Variants in ERO1A observed in about 807,000 individuals in gnomAD.
ERO1A encodes ERO1-like protein alpha.
ERO1A carries 49 observed loss-of-function variants against 76.9 expected under a neutral mutation model. That is an observed-to-expected ratio of 0.64 (90% CI 0.51 to 0.81). ERO1A has a LOEUF of 0.81. ERO1A is among the 30% of genes least tolerant of loss of function. ERO1A has a pLI of 0.00. For synonymous variants in ERO1A, 174 were observed against 181.2 expected (o/e 0.96, Z 0.32); for missense variants, 448 against 542.1 (o/e 0.83, Z 1.72).
rs562605493 is a variant in ERO1A, at chr14:52,649,549, G to A, written c.1125+2690C>T. Reference sequence around the variant, plus strand: ...TAGGACATTAAAGGTGAGTGTTTCCGAGTTTTGATCAAATTAAAACATTGT... The same window carrying A: ...TAGGACATTAAAGGTGAGTGTTTCCAAGTTTTGATCAAATTAAAACATTGT... On this transcript the variant is annotated intron_variant, in intron 13 of 15. Transcript: ENST00000395686. Among the ~76,000 whole-genome samples the A allele has an allele frequency of 6.6e-5, 10 of 151,848 alleles. No individual in the cohort carries two copies. The East Asian group carries it at 1.4e-3, about 21-fold the overall frequency.
At chr14:52,670,379 T>C (rs921111926) in intron 6 of ERO1A, among the ~76,000 whole-genome samples, 1 of 152,218 alleles carries the variant, frequency 6.6e-6, no homozygotes, top group Admixed American at 6.5e-5. Context: ...AGAGTTGTTT[T>C]TTTGGTCTTT....
chr14:52,660,233 C>T (rs892786223), intron 9 of ERO1A, among the ~76,000 whole-genome samples: 8 of 152,136 alleles, frequency 5.3e-5, no homozygotes, highest in African/African-American at 1.7e-4. Context: ...CAGGAATAAC[C>T]CTTTGATATT....
At chr14:52,648,858 T>C (rs926553869) in intron 13 of ERO1A, among the ~76,000 whole-genome samples, 2 of 152,142 alleles carry the variant, frequency 1.3e-5, no homozygotes, top group African/African-American at 2.4e-5. Context: ...CAAATAAACA[T>C]TGTAAAATTA....
chr14:52,663,230 G>A (rs1246424043), intron 8 of ERO1A, among the ~76,000 whole-genome samples: 1 of 152,032 alleles, frequency 6.6e-6, no homozygotes, highest in Non-Finnish European at 1.5e-5. Context: ...TACTATGTCT[G>A]CAAAAATATA....
chr14:52,663,658 C>T, intron 8 of ERO1A, 143 bp downstream of exon 8: 1 of 512,438 alleles, frequency 2.0e-6, no homozygotes, highest in Non-Finnish European at 3.6e-6. Flanking sequence ...CCAATCTCTG[C>T]AAGCGTGAGG....
intron 8 of ERO1A, among the ~76,000 whole-genome samples, chr14:52,662,091 G>A (rs1158950975): frequency 6.6e-6 from 1 of 151,938 alleles, no homozygotes; most frequent in Non-Finnish European, 1.5e-5. Flanking sequence ...TGATTTAAAT[G>A]AATAAAAATT....
intron 1 of ERO1A, among the ~76,000 whole-genome samples, chr14:52,687,993 C>G (rs534401906): frequency 2.0e-4 from 30 of 152,194 alleles, no homozygotes; most frequent in African/African-American, 7.0e-4. Flanking sequence ...TGACACCAAC[C>G]TGGGCAACAC....
rs145722252 is a variant in ERO1A at position 52,653,158 on chromosome 14, G to A, written c.966C>T (p.Phe322=). ...LRALSKVLPF[F]ERPDFQLFTG... Reference sequence around the variant, plus strand: ...TAAAGAGTTGAAAATCTGGGCGCTCGAAGAATGGTAACACTTTGGATAAAG... The same window carrying A: ...TAAAGAGTTGAAAATCTGGGCGCTCAAAGAATGGTAACACTTTGGATAAAG... The change falls in exon 12 of 16, where the codon TTC becomes TTT. Residue 322 remains phenylalanine, a synonymous_variant. Coordinates refer to ENST00000395686, the MANE Select transcript of ERO1A (RefSeq NM_014584.3). The A allele has an allele frequency of 2.5e-5, 41 of 1,613,122 alleles. No individual in the cohort carries two copies. Among genetic ancestry groups the A allele is most frequent in the Middle Eastern group, 1.6e-4 (1 of 6,080 alleles).
intron 11 of ERO1A, among the ~76,000 whole-genome samples, chr14:52,655,636 T>A (rs1028711636): frequency 6.6e-6 from 1 of 152,098 alleles, no homozygotes; most frequent in African/African-American, 2.4e-5. Context: ...GAGGAATTTC[T>A]CACTCTTATT....
chr14:52,685,335 T>C (rs985236192), intron 1 of ERO1A, among the ~76,000 whole-genome samples: 1 of 152,218 alleles, frequency 6.6e-6, no homozygotes, highest in Non-Finnish European at 1.5e-5. Flanking sequence ...TGTCATGTAA[T>C]AACTATTTTC....
chr14:52,677,562 A>C (rs1450868545), intron 4 of ERO1A, among the ~76,000 whole-genome samples: 1 of 152,150 alleles, frequency 6.6e-6, no homozygotes, highest in Non-Finnish European at 1.5e-5. Context: ...AAAGGATATT[A>C]GGTAAAAATT....
At chr14:52,664,972 T>G (rs72684268) in intron 7 of ERO1A, among the ~76,000 whole-genome samples, 19,275 of 151,942 alleles carry the variant, frequency 0.13, 1,576 homozygotes, top group Admixed American at 0.24. Context: ...ACACTAAAAA[T>G]AACAACAACA....
intron 4 of ERO1A, among the ~76,000 whole-genome samples, chr14:52,676,137 T>G (rs188239178): frequency 6.6e-6 from 1 of 152,362 alleles, no homozygotes; most frequent in Admixed American, 6.5e-5. Context: ...TTGTGCAAGT[T>G]ACATATCATG....
At chr14:52,694,821 A>C (rs1341770482) in intron 1 of ERO1A, among the ~76,000 whole-genome samples, 1 of 152,224 alleles carries the variant, frequency 6.6e-6, no homozygotes, top group Non-Finnish European at 1.5e-5. Flanking sequence ...ACACAGGACC[A>C]GAAACCAGAG....
At chr14:52,654,313 C>T (rs952953115) in intron 11 of ERO1A, among the ~76,000 whole-genome samples, 1 of 152,166 alleles carries the variant, frequency 6.6e-6, no homozygotes, top group Non-Finnish European at 1.5e-5. Context: ...TAGTAGTGCA[C>T]ACAAAACAAT....
chr14:52,695,090 A>G (rs1188229977), intron 1 of ERO1A, among the ~76,000 whole-genome samples: 1 of 152,200 alleles, frequency 6.6e-6, no homozygotes, highest in Non-Finnish European at 1.5e-5. Flanking sequence ...CGGGCAGATA[A>G]GACCAACAAA....
intron 6 of ERO1A, among the ~76,000 whole-genome samples, chr14:52,667,403 T>C (rs1256959466): frequency 1.3e-5 from 2 of 152,076 alleles, no homozygotes; most frequent in Non-Finnish European, 2.9e-5. Flanking sequence ...TTATAATGTG[T>C]TATAACTTCA....
chr14:52,656,468 T>C (rs2040048229), intron 11 of ERO1A, among the ~76,000 whole-genome samples: 1 of 152,158 alleles, frequency 6.6e-6, no homozygotes, highest in South Asian at 2.1e-4. Context: ...CCCAGCACTT[T>C]GGGAGGCCAA....
intron 3 of ERO1A, among the ~76,000 whole-genome samples, chr14:52,679,272 A>G (rs2040906502): frequency 6.6e-6 from 1 of 152,052 alleles, no homozygotes; most frequent in Non-Finnish European, 1.5e-5. Flanking sequence ...TCTCTTCCCC[A>G]TCTCCTCATC....
Sources: allele counts gnomAD v4.1 joint callset (sites outside exome capture counted in the v4.1 genomes callset), GRCh38; gene constraint gnomAD v4.1.1; transcripts MANE v1.5; gene names NCBI Gene and HGNC (gene_info 2026-07-23, HGNC 2026-07-21).